The following ZNF432 variants were observed in gnomAD, a reference collection of about 807,000 sequenced individuals.
ZNF432 encodes zinc finger protein 432.
ZNF432 carries 10 observed loss-of-function variants against 13.9 expected under a neutral mutation model. The ratio of observed to expected loss-of-function variants is 0.72; its 90% CI spans 0.44 to 1.22. The LOEUF is 1.22. Ranked by LOEUF, ZNF432 falls within the 50% of genes most tolerant of loss-of-function variation. ZNF432 has a pLI of 0.00. For missense variants in ZNF432, 793 were observed against 796.2 expected, an observed-to-expected ratio of 1.00 and a Z score of 0.05; for synonymous variants, 247 against 256.2, an observed-to-expected ratio of 0.96 and a Z score of 0.34.
chr19:52,034,423 T>C lies in ZNF432; in HGVS notation c.1256A>G (p.His419Arg), dbSNP rs1331461305. 3.1e-6 allele frequency: 5 copies of C among 1,614,098 alleles called. No individual in the cohort carries two copies. The highest frequency in any genetic ancestry group is 3.3e-5 in the Admixed American group (2 of 60,016). The change falls in exon 5 of 5, where the codon CAT becomes CGT. Residue 419 changes from histidine (H) to arginine (R), a missense_variant. His to Arg is a conservative substitution (Grantham distance 29). Coordinates refer to ENST00000221315, the MANE Select transcript of ZNF432 (RefSeq NM_014650.4). ...CTTCTCTACTGTATGATTTCTCTGA[T>C]GTACAATAAGATTACTCTTCCTGGG... ...GFPRKSNLIV[H>R]QRNHTVEKSY...
chr19:52,041,686 C>T (rs1181544879), intron 2 of ZNF432, 80 bp from the exon 3 acceptor site: 64 of 1,571,906 alleles, frequency 4.1e-5, no homozygotes, highest in East Asian at 9.0e-5. Flanking sequence ...GAAGTTGTCC[C>T]GCTCACATTA....
rs748065860 is a variant in ZNF432, at chr19:52,034,442, TC to T, written c.1236del (p.Lys413ArgfsTer13). ...CTCTGATGTACAATAAGATTACTCT[TC>T]CTGGGAAAGCCTTTTCCACATTCAC... ...ICSECGKGFPRKSNLIVHQRN... is the reference protein window; with the variant it reads ...ICSECGKGFPXKSNLIVHQRN... On this transcript the variant is annotated frameshift_variant, in exon 5 of 5. Coordinates refer to ENST00000221315, the MANE Select transcript of ZNF432 (RefSeq NM_014650.4). LOFTEE classifies it low-confidence loss of function (END_TRUNC). 1.2e-6 allele frequency: 2 copies of T among 1,614,088 alleles called. No individual in the cohort carries two copies.
In ZNF432 at chr19:52,034,958, C is replaced by G; in HGVS notation, c.721G>C (p.Val241Leu). ...TTTAGCCTGGACTTTCTGGAGAACA[C>G]TTTTGCACACAAAGTACATCCATAA... ...KPYGCTLCAKVFSRKSRLNEH... is the reference protein window; with the variant it reads ...KPYGCTLCAKLFSRKSRLNEH... The change falls in exon 5 of 5, where the codon GTG (valine) becomes CTG (leucine). Residue 241 changes from valine (V) to leucine (L), a missense_variant. Coordinates refer to ENST00000221315, the MANE Select transcript of ZNF432 (RefSeq NM_014650.4). 6.2e-7 allele frequency: 1 copy of G among 1,612,868 alleles called. No homozygotes were observed. Among genetic ancestry groups the G allele is most frequent in the Non-Finnish European group, 8.5e-7 (1 of 1,179,580 alleles).
At chr19:52,041,667 A>T (rs1168635733) in intron 2 of ZNF432, 61 bp from the exon 3 acceptor site, 1 of 1,604,814 alleles carries the variant, frequency 6.2e-7, no homozygotes, top group Non-Finnish European at 8.5e-7. Context: ...CATGAAAAGA[A>T]AGTGAAGGGA....
intron 2 of ZNF432, among the ~76,000 whole-genome samples, chr19:52,043,861 T>A (rs1234680896): frequency 2.0e-5 from 3 of 152,156 alleles, no homozygotes; most frequent in Non-Finnish European, 2.9e-5. Flanking sequence ...CTGCTGACCC[T>A]CTCCCCACTA....
Position 52,034,858 on chromosome 19 carries a change from C to T in ZNF432, c.821G>A (p.Ser274Asn), listed in dbSNP as rs779171178. 1 of 1,613,968 alleles carries T rather than the reference C, an allele frequency of 6.2e-7. No homozygotes were observed. Among genetic ancestry groups the T allele is most frequent in the Non-Finnish European group, 8.5e-7 (1 of 1,179,912 alleles). ...SECGKVFTMKSRLIEHQRTHT... is the reference protein window; with the variant it reads ...SECGKVFTMKNRLIEHQRTHT... ...AGTTCGCTGATGTTCAATCAGACGG[C>T]TCTTCATAGTGAAGACTTTTCCACA... The change falls in exon 5 of 5, where the codon AGC (serine) becomes AAC (asparagine). Residue 274 changes from serine to asparagine, a missense_variant. Physicochemically the swap from Ser to Asn is conservative, Grantham distance 46. Transcript: ENST00000221315.
intron 4 of ZNF432, 84 bp downstream of exon 4, chr19:52,040,404 A>T: frequency 1.7e-6 from 2 of 1,176,542 alleles, no homozygotes; most frequent in Non-Finnish European, 2.6e-6. Context: ...TAATGTAGGC[A>T]CTGCTTCTGT....
At position 52,046,901 on chromosome 19, in the gene ZNF432, G is replaced by A. The variant is rs776177011; in HGVS notation, c.-33C>T. 13 of 1,610,836 alleles carry A rather than the reference G, an allele frequency of 8.1e-6. No individual in the cohort carries two copies. In the East Asian group the frequency reaches 2.9e-4, roughly 36 times the overall value. Reference sequence around the variant, plus strand: ...TGTTGTGGGAAATGGCCAGCACCTGGGATACTCTGTCTTTGTCTCCTCTGG... The same window carrying A: ...TGTTGTGGGAAATGGCCAGCACCTGAGATACTCTGTCTTTGTCTCCTCTGG... On this transcript the variant is annotated 5_prime_UTR_variant, in exon 2 of 5. Coordinates refer to ENST00000221315, the MANE Select transcript of ZNF432 (RefSeq NM_014650.4).
intron 2 of ZNF432, among the ~76,000 whole-genome samples, chr19:52,044,591 A>G (rs555223108): frequency 1.8e-4 from 27 of 152,326 alleles, no homozygotes; most frequent in Non-Finnish European, 3.2e-4. Context: ...CACAAGAGAA[A>G]AAAATCCAGT....
At chr19:52,048,546 A>T (rs2087216865) in intron 1 of ZNF432, 149 bp downstream of exon 1, 2 of 151,702 alleles carry the variant, frequency 1.3e-5, no homozygotes, top group Admixed American at 1.3e-4. Context: ...CCCACCAGGG[A>T]CTCCTACCAG....
At chr19:52,047,437 G>A (rs1177164722) in intron 1 of ZNF432, 1 of 152,150 alleles carries the variant, frequency 6.6e-6, no homozygotes, top group Non-Finnish European at 1.5e-5. Context: ...AGCACTTTGG[G>A]AGGCCGAGAT....
chr19:52,042,208 T>C (rs1371238140), intron 2 of ZNF432, among the ~76,000 whole-genome samples: 1 of 152,142 alleles, frequency 6.6e-6, no homozygotes, highest in African/African-American at 2.4e-5. Flanking sequence ...AGAAAGGTTA[T>C]ATTAAATACA....
Position 52,034,774 on chromosome 19 carries a change from C to T in ZNF432, c.905G>A (p.Arg302His), listed in dbSNP as rs749312681. Residue 302 changes from arginine to histidine, a missense_variant, in exon 5 of 5, where the codon CGT (arginine) becomes CAT (histidine). Transcript: ENST00000221315. ...NECGKGFPGK[R>H]NLIVHQRNHT... ...ATTTCGCTGATGTACAATGAGATTA[C>T]GCTTGCCTGGGAAGCCTTTTCCACA... The T allele has an allele frequency of 2.3e-5, 37 of 1,611,820 alleles. No individual in the cohort carries two copies. The African/African-American group carries it at 3.6e-4, about 16-fold the overall frequency.
rs747265559 is a variant in ZNF432 at position 52,034,644 on chromosome 19, G to GT, written c.1034dup (p.Tyr345Ter). Residue 345 changes from tyrosine (Y) to a stop codon, truncating the protein, a stop_gained and frameshift_variant, in exon 5 of 5, where the codon TAC (tyrosine) becomes TAAC (stop). Coordinates refer to ENST00000221315, the MANE Select transcript of ZNF432 (RefSeq NM_014650.4). LOFTEE classifies it low-confidence loss of function (END_TRUNC). ...HQRTHTGEKP[Y>*]ICSECGKGFT... is the part of the protein sequence containing the mutation. ...AGCCTTTCCCACATTCACTACAGAT[G>GT]TAGGGCTTCTCTCCTGTATGAGTTC... 1.9e-6 allele frequency: 3 copies of GT among 1,613,528 alleles called. No individual in the cohort carries two copies. The South Asian group carries it at 3.3e-5, about 18-fold the overall frequency.
intron 1 of ZNF432, among the ~76,000 whole-genome samples, chr19:52,048,128 A>AAC (rs3138637): frequency 0.07 from 7,248 of 103,298 alleles, 366 homozygotes; most frequent in South Asian, 0.15. Context: ...GTTTGAGCTC[A>AAC]ACACACACAC....
rs1226255733 is a variant in ZNF432 at position 52,035,360 on chromosome 19, GT to G, written c.318del (p.Glu106AspfsTer29). 6.2e-7 allele frequency: 1 copy of G among 1,610,578 alleles called. No individual in the cohort carries two copies. The highest frequency in any genetic ancestry group is 1.7e-5 in the Admixed American group (1 of 59,232). On this transcript the variant is annotated frameshift_variant, in exon 5 of 5. Coordinates refer to ENST00000221315, the MANE Select transcript of ZNF432 (RefSeq NM_014650.4). LOFTEE classifies it low-confidence loss of function (END_TRUNC). ...GAGGCAGTATTTCCAAATGCATTAT[GT>G]TCATGGTATTGTTCCACACTCTTCA... is the stretch of plus-strand genomic sequence containing the variant. ...RMLKSVEQYH[E>X]HNAFGNTASQ...
At chr19:52,044,397 T>C (rs1255699874) in intron 2 of ZNF432, among the ~76,000 whole-genome samples, 2 of 151,678 alleles carry the variant, frequency 1.3e-5, no homozygotes, top group Admixed American at 1.3e-4. Flanking sequence ...AAGGGACAAA[T>C]TTTATGAGAA....
rs1213505364 is a variant in ZNF432, at chr19:52,035,137, A to G, written c.542T>C (p.Val181Ala). Residue 181 changes from valine to alanine, a missense_variant, in exon 5 of 5, where the codon GTA becomes GCA. Coordinates refer to ENST00000221315, the MANE Select transcript of ZNF432 (RefSeq NM_014650.4). The part of the protein sequence containing the change: ...EELYSAAKFS[V>A]STKANSTKSQ... The stretch of plus-strand genomic sequence containing the variant: ...TTTAGTGCTATTGGCTTTTGTACTT[A>G]CAGAGAATTTAGCTGCAGAATAAAG... The G allele has an allele frequency of 6.2e-7, 1 of 1,613,970 alleles. No individual in the cohort carries two copies. The highest frequency in any genetic ancestry group is 2.2e-5 in the East Asian group (1 of 44,872).
At chr19:52,043,902 C>G (rs908622618) in intron 2 of ZNF432, among the ~76,000 whole-genome samples, 2 of 152,304 alleles carry the variant, frequency 1.3e-5, no homozygotes, top group South Asian at 4.1e-4. Flanking sequence ...ATCCCCCTCT[C>G]GGAGAAACAC....
Sources: allele counts gnomAD v4.1 joint callset (sites outside exome capture counted in the v4.1 genomes callset), GRCh38; gene constraint gnomAD v4.1.1; transcripts MANE v1.5; gene names NCBI Gene and HGNC (gene_info 2026-07-23, HGNC 2026-07-21).